Variants in MUC7 observed in about 807,000 individuals in gnomAD.
MUC7 encodes mucin 7, secreted.
In MUC7, 2 loss-of-function variants were observed where a neutral mutation model predicts 2.5. That is an observed-to-expected ratio of 0.81 (90% CI 0.33 to 2.55). MUC7 has a LOEUF of 2.55. Among genes scored for constraint, MUC7 ranks in the 30% most tolerant of loss-of-function variants. MUC7 has a pLI of 0.11. For synonymous variants in MUC7, 133 were observed against 173.4 expected (o/e 0.77, Z 1.83); for missense variants, 408 against 455.6 (o/e 0.90, Z 0.95).
At chr4:70,455,766 C>A (rs1027903180) in intron 1 of MUC7, among the ~76,000 whole-genome samples, 3 of 152,150 alleles carry the variant, frequency 2.0e-5, no homozygotes, top group African/African-American at 4.8e-5. Context: ...GAAAAGATGT[C>A]ACACGCCACG....
intron 2 of MUC7, among the ~76,000 whole-genome samples, chr4:70,474,532 G>A (rs1040896581): frequency 6.6e-6 from 1 of 151,112 alleles, no homozygotes; most frequent in African/African-American, 2.4e-5. Flanking sequence ...TATACAGATA[G>A]GTAGATAGAC....
intron 2 of MUC7, among the ~76,000 whole-genome samples, chr4:70,477,481 C>G (rs1178150544): frequency 6.6e-6 from 1 of 152,136 alleles, no homozygotes. Context: ...CTAATTTTCT[C>G]CTCCTCTTCC....
In MUC7 at chr4:70,474,291, T is replaced by C. The variant is rs956557524; in HGVS notation, c.54+216T>C. On this transcript the variant is annotated intron_variant, in intron 2 of 2. Coordinates refer to ENST00000304887, the MANE Select transcript of MUC7 (RefSeq NM_152291.3). ...GGGAAGCCTAGGAGGGAGGATCACT[T>C]GAGCTCAGAGAAGTTCAAGACTAGC... is the stretch of plus-strand genomic sequence containing the variant. Among the ~76,000 whole-genome samples the C allele has an allele frequency of 3.9e-5, 6 of 152,148 alleles. No homozygotes were observed. The South Asian group carries it at 6.2e-4, about 16-fold the overall frequency.
At chr4:70,450,592 A>C (rs968237090) in intron 1 of MUC7, among the ~76,000 whole-genome samples, 1 of 152,172 alleles carries the variant, frequency 6.6e-6, no homozygotes, top group Non-Finnish European at 1.5e-5. Flanking sequence ...GGCTCACCCA[A>C]GGTACTCAAT....
chr4:70,450,729 C>T (rs1376922421), intron 1 of MUC7, among the ~76,000 whole-genome samples: 1 of 152,084 alleles, frequency 6.6e-6, no homozygotes, highest in African/African-American at 2.4e-5. Context: ...CAGAGTGTGT[C>T]AAGAAAGGTT....
chr4:70,471,496 A>G (rs746604487), upstream of MUC7, among the ~76,000 whole-genome samples: 2 of 152,194 alleles, frequency 1.3e-5, no homozygotes, highest in Non-Finnish European at 2.9e-5. Flanking sequence ...GGCTTTTTAG[A>G]GAGAAATGCT....
At position 70,452,570 on chromosome 4, in the gene MUC7, G is replaced by T. The variant is rs369794065; in HGVS notation, c.-92-19645G>T. On this transcript the variant is annotated intron_variant, in intron 1 of 3. Transcript: ENST00000413702. ...ACAAAAAACAAAAACAAAAAAAAAA[G>T]CCCTCTATGCTTTAATTTCGTCTTC... is the stretch of plus-strand genomic sequence containing the variant. Among the ~76,000 whole-genome samples the T allele has an allele frequency of 6.2e-4, 91 of 147,404 alleles. No homozygotes were observed. The East Asian group carries it at 0.017, about 28-fold the overall frequency.
At chr4:70,463,290 C>T (rs559062125) in intron 1 of MUC7, among the ~76,000 whole-genome samples, 1 of 152,292 alleles carries the variant, frequency 6.6e-6, no homozygotes, top group East Asian at 1.9e-4. Flanking sequence ...CAAATTATGT[C>T]TTACAGAGAA....
chr4:70,470,047 G>A (rs1476625025), upstream of MUC7, among the ~76,000 whole-genome samples: 1 of 152,140 alleles, frequency 6.6e-6, no homozygotes, highest in African/African-American at 2.4e-5. Flanking sequence ...AGAAAATGTG[G>A]CAATATACAC....
intron 1 of MUC7, among the ~76,000 whole-genome samples, chr4:70,447,378 G>A (rs771691761): frequency 7.2e-5 from 11 of 151,892 alleles, no homozygotes; most frequent in Non-Finnish European, 1.3e-4. Context: ...AACGTGTTTA[G>A]AACTATTATT....
At chr4:70,452,079 T>C (rs1440670386) in intron 1 of MUC7, among the ~76,000 whole-genome samples, 2 of 152,234 alleles carry the variant, frequency 1.3e-5, no homozygotes, top group South Asian at 2.1e-4. Flanking sequence ...AGTATTGCTA[T>C]GCCTGCTCTT....
chr4:70,455,961 G>T (rs1006754940), intron 1 of MUC7, among the ~76,000 whole-genome samples: 2 of 152,230 alleles, frequency 1.3e-5, no homozygotes, highest in African/African-American at 4.8e-5. Flanking sequence ...ATTCAAGGAG[G>T]CAGAGTTCTC....
chr4:70,455,264 G>C (rs570340129), intron 1 of MUC7, among the ~76,000 whole-genome samples: 1 of 151,804 alleles, frequency 6.6e-6, no homozygotes, highest in South Asian at 2.1e-4. Context: ...CCGGCCCCTG[G>C]GTCTGTCAGA....
intron 1 of MUC7, among the ~76,000 whole-genome samples, chr4:70,460,936 T>C (rs1233004456): frequency 1.3e-5 from 2 of 152,202 alleles, no homozygotes; most frequent in East Asian, 3.9e-4. Flanking sequence ...AATGCCCTCA[T>C]GGAGTCTCCA....
intron 1 of MUC7, among the ~76,000 whole-genome samples, chr4:70,448,394 A>T (rs1446078552): frequency 6.6e-6 from 1 of 152,188 alleles, no homozygotes; most frequent in Non-Finnish European, 1.5e-5. Flanking sequence ...ACTAATTTAC[A>T]TTCCCACCAA....
rs559403009 is a variant in MUC7, at chr4:70,432,232, G to A, written c.-93+1545G>A. 5.3e-5 allele frequency among the ~76,000 whole-genome samples: 8 copies of A among 152,334 alleles called. No homozygotes were observed. In the East Asian group the frequency reaches 1.2e-3, roughly 22 times the overall value. On this transcript the variant is annotated intron_variant, in intron 1 of 3. Coordinates refer to the MUC7 transcript ENST00000413702. ...TACCTGTGCATGTGTCTTTATAGCAGCATGATTTATAATCCTTTGGGTATA... is the reference window on the plus strand; with the variant it reads ...TACCTGTGCATGTGTCTTTATAGCAACATGATTTATAATCCTTTGGGTATA...
At chr4:70,455,409 CA>C (rs1734387637) in intron 1 of MUC7, among the ~76,000 whole-genome samples, 1 of 152,088 alleles carries the variant, frequency 6.6e-6, no homozygotes, top group Non-Finnish European at 1.5e-5. Context: ...AGAATGTATT[CA>C]AATTCAGTAC....
intron 1 of MUC7, among the ~76,000 whole-genome samples, chr4:70,442,373 GCCAGGTCTT>G (rs1306818274): frequency 1.3e-5 from 2 of 152,154 alleles, no homozygotes; most frequent in Non-Finnish European, 2.9e-5. Flanking sequence ...GTAATAATGA[GCCAGGTCTT>G]GGCCCCTGGC....
chr4:70,448,189 G>A (rs1340957134), intron 1 of MUC7, among the ~76,000 whole-genome samples: 2 of 152,102 alleles, frequency 1.3e-5, no homozygotes, highest in African/African-American at 4.8e-5. Flanking sequence ...TTCATCTGTT[G>A]GTAGACATTT....
Sources: gnomAD v4.1 joint callset for allele counts (sites outside exome capture counted in the v4.1 genomes callset) on GRCh38, gnomAD v4.1.1 for gene constraint, MANE v1.5 for transcripts, NCBI Gene and HGNC (gene_info 2026-07-23, HGNC 2026-07-21) for gene names.